The following MISFA variants were observed in gnomAD, a reference collection of about 807,000 sequenced individuals.
MISFA encodes the protein mitochondrial sheath formation associated, also known as mitochondrial sheath formation-associated protein.
chr11:18,604,128 G>T, the MISFA span, among the ~76,000 whole-genome samples: 2 of 151,460 alleles, frequency 1.3e-5, no homozygotes, highest in Non-Finnish European at 1.5e-5. Flanking sequence ...GGGTTTCACC[G>T]TGTTATCCAG....
chr11:18,601,422 ATATAT>A, the MISFA span: 1 of 397,420 alleles, frequency 2.5e-6, no homozygotes, highest in Non-Finnish European at 4.4e-6. Flanking sequence ...CAACACTGTA[ATATAT>A]TATACTATTA....
the MISFA span, among the ~76,000 whole-genome samples, chr11:18,600,199 T>TTTA: frequency 4.5e-4 from 68 of 151,996 alleles, no homozygotes; most frequent in Non-Finnish European, 7.2e-4. Context: ...TTATTTTTTA[T>TTTA]TTATTATTAT....
At chr11:18,605,480 A>C in the MISFA span, among the ~76,000 whole-genome samples, 1 of 152,188 alleles carries the variant, frequency 6.6e-6, no homozygotes, top group Non-Finnish European at 1.5e-5. Flanking sequence ...TTATTTGGGA[A>C]GTTTGCTTAA....
At chr11:18,601,821 TTTAA>T in the MISFA span, 1 of 315,062 alleles carries the variant, frequency 3.2e-6, no homozygotes, top group Admixed American at 5.0e-5. Context: ...CTTGGGAAAG[TTTAA>T]TTAGTTTCTT....
chr11:18,600,769 C>T, the MISFA span, among the ~76,000 whole-genome samples: 8 of 151,946 alleles, frequency 5.3e-5, no homozygotes, highest in Non-Finnish European at 1.0e-4. Context: ...ATCCGCCTGC[C>T]TCGGCTCCCC....
chr11:18,601,446 C>CT, the MISFA span: 31,423 of 364,472 alleles, frequency 0.086, 221 homozygotes, highest in Non-Finnish European at 0.089. Flanking sequence ...TAATAGCATT[C>CT]TTTTTTTTTT....
the MISFA span, chr11:18,609,110 A>C: frequency 6.6e-6 from 1 of 152,228 alleles, no homozygotes; most frequent in Non-Finnish European, 1.5e-5. Context: ...GATAAAAATC[A>C]ATCAGCACAG....
At chr11:18,603,755 T>G in the MISFA span, 1 of 398,862 alleles carries the variant, frequency 2.5e-6, no homozygotes, top group Non-Finnish European at 4.4e-6. Flanking sequence ...ACACACACTT[T>G]CTTTTTTCCC....
At chr11:18,602,259 G>T in the MISFA span, 2 of 152,096 alleles carry the variant, frequency 1.3e-5, no homozygotes, top group Non-Finnish European at 2.9e-5. Context: ...AACTTAACTC[G>T]GAGAGTTTTA....
the MISFA span, chr11:18,603,073 A>G: frequency 5.0e-6 from 2 of 398,862 alleles, no homozygotes; most frequent in East Asian, 7.1e-5. Context: ...CACCTTCCAG[A>G]AGCACTTGTT....
chr11:18,606,790 A>G, the MISFA span: 1 of 388,326 alleles, frequency 2.6e-6, no homozygotes, highest in Admixed American at 4.3e-5. Flanking sequence ...TTTAAGTTAC[A>G]AAATACAAAA....
chr11:18,609,587 G>A, the MISFA span: 7 of 432,920 alleles, frequency 1.6e-5, no homozygotes, highest in African/African-American at 4.0e-5. Context: ...CCACATTAGA[G>A]TGCATAGCTC....
chr11:18,604,726 C>G, the MISFA span, among the ~76,000 whole-genome samples: 18 of 152,172 alleles, frequency 1.2e-4, no homozygotes, highest in Admixed American at 4.6e-4. Flanking sequence ...TATCCTAATC[C>G]TTAAAATAAC....
chr11:18,601,786 CTT>C, the MISFA span: 1 of 363,322 alleles, frequency 2.8e-6, no homozygotes, highest in Non-Finnish European at 4.9e-6. Context: ...TAGGTCCTAA[CTT>C]TGTGACTTTC....
At chr11:18,604,381 C>T in the MISFA span, among the ~76,000 whole-genome samples, 449 of 151,966 alleles carry the variant, frequency 3.0e-3, 4 homozygotes, top group African/African-American at 1.0e-2. Context: ...TTTTGCCTGG[C>T]GCGATGGCTC....
At chr11:18,601,011 T>C in the MISFA span, 1 of 398,138 alleles carries the variant, frequency 2.5e-6, no homozygotes, top group South Asian at 1.3e-4. Flanking sequence ...TTAGCAGCCC[T>C]TCTGGTCACC....
the MISFA span, chr11:18,608,478 A>C: frequency 6.6e-6 from 1 of 152,230 alleles, no homozygotes; most frequent in South Asian, 2.1e-4. Flanking sequence ...ACAATGGCTT[A>C]AGATAGCCAA....
the MISFA span, chr11:18,606,890 T>G: frequency 2.3e-5 from 8 of 346,110 alleles, no homozygotes; most frequent in Non-Finnish European, 4.3e-5. Flanking sequence ...ACATGGAGTC[T>G]CGCTCTGTCA....
At chr11:18,606,721 T>C in the MISFA span, 1 of 404,332 alleles carries the variant, frequency 2.5e-6, no homozygotes, top group South Asian at 1.9e-5. Context: ...ATATATTTAT[T>C]CTCTTTCCAA....
Sources: allele counts gnomAD v4.1 joint callset (sites outside exome capture counted in the v4.1 genomes callset), GRCh38; gene constraint gnomAD v4.1.1; transcripts MANE v1.5; gene names NCBI Gene and HGNC (gene_info 2026-07-23, HGNC 2026-07-21).